The following BEAN1 variants were observed in gnomAD, a reference collection of about 807,000 sequenced individuals.
BEAN1 encodes protein BEAN1.
Under a neutral mutation model 17.7 loss-of-function variants are expected in BEAN1, and 17 were observed. The observed-to-expected ratio is 0.96, with a 90% CI of 0.66 to 1.44. The LOEUF (loss-of-function observed/expected upper bound fraction) is 1.44. Ranked by LOEUF, BEAN1 falls within the 40% of genes most tolerant of loss-of-function variation. The pLI is 0.00. For missense variants in BEAN1, 359 were observed against 374.1 expected (o/e 0.96, Z 0.33); for synonymous variants, 142 against 151.8 (o/e 0.94, Z 0.47).
chr16:66,473,202 G>A lies in BEAN1; in HGVS notation c.289+3337G>A, dbSNP rs1360744127. Among the ~76,000 whole-genome samples, 2 of 152,150 alleles carry A rather than the reference G, an allele frequency of 1.3e-5. No individual in the cohort carries two copies. The highest frequency in any genetic ancestry group is 3.9e-4 in the East Asian group (2 of 5,170). ...GGGCAGGCCAGCCCCTCTGTAGCCT[G>A]TGGTGGCCTCGGGACTGGTGCCAAT... On this transcript the variant is annotated intron_variant, in intron 3 of 4. Coordinates refer to ENST00000536005, the MANE Select transcript of BEAN1 (RefSeq NM_001178020.3). This position sits in a 1 kb window ranked among gnomAD's most constrained non-coding sequence, Gnocchi z 4.5.
chr16:66,488,982 G>A (rs1964127684), intron 4 of BEAN1, among the ~76,000 whole-genome samples: 1 of 152,172 alleles, frequency 6.6e-6, no homozygotes, highest in African/African-American at 2.4e-5. Context: ...GACCAGCCTG[G>A]GCAACATGGT....
At chr16:66,450,364 GTCTGTT>G (rs1299802336) in intron 2 of BEAN1, among the ~76,000 whole-genome samples, 4 of 152,168 alleles carry the variant, frequency 2.6e-5, no homozygotes, top group Non-Finnish European at 4.4e-5. Context: ...CTGAATGAGG[GTCTGTT>G]TCTAAGTGTA....
At chr16:66,444,168 T>C (rs921794934) in intron 2 of BEAN1, among the ~76,000 whole-genome samples, 1 of 152,206 alleles carries the variant, frequency 6.6e-6, no homozygotes, top group African/African-American at 2.4e-5. Context: ...CCCTGCCTGA[T>C]AGCGGCTGGG....
intron 2 of BEAN1, among the ~76,000 whole-genome samples, chr16:66,456,123 C>T (rs1052533592): frequency 6.6e-6 from 1 of 152,238 alleles, no homozygotes; most frequent in Admixed American, 6.5e-5. Flanking sequence ...GCTGGTTGAA[C>T]TTGTTCCAAG....
At chr16:66,453,549 A>T (rs1205433126) in intron 2 of BEAN1, among the ~76,000 whole-genome samples, 1 of 151,986 alleles carries the variant, frequency 6.6e-6, no homozygotes, top group Non-Finnish European at 1.5e-5. Context: ...TTTTGTATAT[A>T]CAGGATCTCA....
chr16:66,470,024 C>A, intron 3 of BEAN1, 159 bp downstream of exon 3: 4 of 1,014,994 alleles, frequency 3.9e-6, no homozygotes, highest in Non-Finnish European at 5.6e-6. Context: ...CAGGCGCCCA[C>A]CATAATGTTC....
chr16:66,461,752 G>A lies in BEAN1; in HGVS notation c.26-7850G>A, dbSNP rs139111723. Among the ~76,000 whole-genome samples, 58 of 152,254 alleles carry A rather than the reference G, an allele frequency of 3.8e-4. 1 individual carries two copies. The East Asian group carries it at 0.01, about 26-fold the overall frequency. ...TCAGAAGACATTCCAGAGCCCCATC[G>A]GGGACAAGACTCTTGGAGCCAGCCC... On this transcript the variant is annotated intron_variant, in intron 2 of 4. Coordinates refer to ENST00000536005, the MANE Select transcript of BEAN1 (RefSeq NM_001178020.3).
intron 2 of BEAN1, among the ~76,000 whole-genome samples, chr16:66,448,198 G>T (rs762276124): frequency 6.8e-6 from 1 of 147,816 alleles, no homozygotes; most frequent in African/African-American, 2.5e-5. Flanking sequence ...CTAGAGAGAT[G>T]CTCTAGGGTT....
At chr16:66,432,005 T>A (rs1961826968) in intron 1 of BEAN1, among the ~76,000 whole-genome samples, 2 of 152,076 alleles carry the variant, frequency 1.3e-5, no homozygotes, top group African/African-American at 4.8e-5. Flanking sequence ...CGAGGTTTCA[T>A]TGTTATCGCA....
chr16:66,437,787 G>A (rs1962088668), intron 2 of BEAN1, 86 bp downstream of exon 2: 1 of 1,462,762 alleles, frequency 6.8e-7, no homozygotes, highest in Non-Finnish European at 9.3e-7. Flanking sequence ...GGCTTGAGGT[G>A]TTTGGCCAAA....
At chr16:66,493,797 C>T (rs2142492451), downstream of BEAN1, among the ~76,000 whole-genome samples, 1 of 152,362 alleles carries the variant, frequency 6.6e-6, no homozygotes, top group South Asian at 2.1e-4. Context: ...GACGCCGCAC[C>T]TCCCAGCACC....
rs115550342 is a variant in BEAN1 at position 66,438,809 on chromosome 16, C to A, written c.25+1108C>A. Among the ~76,000 whole-genome samples the A allele has an allele frequency of 4.7e-3, 716 of 152,284 alleles. 2 individuals carry two copies. Among genetic ancestry groups the A allele is most frequent in the African/African-American group, 0.01 (434 of 41,564 alleles). ...TCTTCCATGATGTTCCCTGAGCCCC[C>A]CCCAAACCACCACCACTCGCTATAA... On this transcript the variant is annotated intron_variant, in intron 2 of 4. Coordinates refer to ENST00000536005, the MANE Select transcript of BEAN1 (RefSeq NM_001178020.3).
intron 2 of BEAN1, among the ~76,000 whole-genome samples, chr16:66,454,239 T>C (rs2142404327): frequency 6.6e-6 from 1 of 152,340 alleles, no homozygotes; most frequent in East Asian, 1.9e-4. Context: ...AAGGCTTCTA[T>C]GAATGTCACA....
intron 2 of BEAN1, among the ~76,000 whole-genome samples, chr16:66,467,543 C>T (rs1963300773): frequency 6.6e-6 from 1 of 152,208 alleles, no homozygotes; most frequent in South Asian, 2.1e-4. Flanking sequence ...CCACCTGGTC[C>T]TGCCCTTAAC....
At position 66,477,581 on chromosome 16, in the gene BEAN1, G is replaced by A. The variant is rs2142458155; in HGVS notation, c.311G>A (p.Ser104Asn). The change falls in exon 4 of 5, where the codon AGC (serine) becomes AAC (asparagine). Residue 104 changes from serine to asparagine, a missense_variant. Physicochemically the swap from Ser to Asn is conservative, Grantham distance 46. Coordinates refer to ENST00000536005, the MANE Select transcript of BEAN1 (RefSeq NM_001178020.3). The stretch of plus-strand genomic sequence containing the variant: ...GCAGTGTCGGACGAGCACACATACA[G>A]CCGCTCAAGCCGCAGGATGCGCTAT... ...HGYVSDEHTY[S>N]RSSRRMRYAC... 3 of 1,547,630 alleles carry A rather than the reference G, an allele frequency of 1.9e-6. No individual in the cohort carries two copies. In the East Asian group the frequency reaches 7.4e-5, roughly 38 times the overall value.
intron 4 of BEAN1, among the ~76,000 whole-genome samples, chr16:66,478,519 T>G (rs1020974791): frequency 3.9e-5 from 6 of 152,120 alleles, no homozygotes; most frequent in Admixed American, 3.9e-4. Context: ...GGAGAATCGC[T>G]TGAACCCGGG....
intron 3 of BEAN1, among the ~76,000 whole-genome samples, chr16:66,474,706 A>G (rs1462245889): frequency 2.0e-5 from 3 of 151,406 alleles, no homozygotes; most frequent in African/African-American, 4.9e-5. Context: ...AAGAGAGAGA[A>G]AAAAAGGAGA....
chr16:66,440,603 C>A (rs1962219782), intron 2 of BEAN1, among the ~76,000 whole-genome samples: 1 of 152,178 alleles, frequency 6.6e-6, no homozygotes, highest in Non-Finnish European at 1.5e-5. Flanking sequence ...GGATGCTGGG[C>A]CCCCAGGGCT....
At chr16:66,474,780 A>G (rs1252263391) in intron 3 of BEAN1, among the ~76,000 whole-genome samples, 3 of 152,144 alleles carry the variant, frequency 2.0e-5, no homozygotes. Flanking sequence ...AAGGAGAGAG[A>G]AGGAAAGAAA....
Sources: gnomAD v4.1 joint callset for allele counts (sites outside exome capture counted in the v4.1 genomes callset) on GRCh38, gnomAD v4.1.1 for gene constraint, Gnocchi (gnomAD v3.1) non-coding constraint, MANE v1.5 for transcripts, NCBI Gene and HGNC (gene_info 2026-07-23, HGNC 2026-07-21) for gene names.